The following THSD4 variants were observed in gnomAD, a reference collection of about 807,000 sequenced individuals.
The protein encoded by THSD4 is thrombospondin type 1 domain containing 4, also known as thrombospondin type-1 domain-containing protein 4.
In THSD4, 69 loss-of-function variants were observed where a neutral mutation model predicts 119.0. That is an observed-to-expected ratio of 0.58 (90% CI 0.48 to 0.71). THSD4 has a LOEUF of 0.71. Ranked by LOEUF, THSD4 falls within the 30% of genes least tolerant of loss-of-function variation. The pLI is 0.00. For missense variants in THSD4, 1,393 were observed against 1,391.1 expected, an observed-to-expected ratio of 1.00 and a Z score of -0.02; for synonymous variants, 524 against 540.4, an observed-to-expected ratio of 0.97 and a Z score of 0.42.
intron 6 of THSD4, among the ~76,000 whole-genome samples, chr15:71,312,425 G>C (rs906171752): frequency 6.6e-6 from 1 of 152,104 alleles, no homozygotes; most frequent in Non-Finnish European, 1.5e-5. Flanking sequence ...GTGCTTTTAA[G>C]AAGAGGAGAT....
intron 6 of THSD4, among the ~76,000 whole-genome samples, chr15:71,266,047 C>T (rs554982495): frequency 1.3e-5 from 2 of 152,352 alleles, no homozygotes; most frequent in South Asian, 4.1e-4. Context: ...CAGACTTAAA[C>T]ATTCCTGCCT....
At chr15:71,378,552 G>A (rs1465573468) in intron 6 of THSD4, among the ~76,000 whole-genome samples, 1 of 152,226 alleles carries the variant, frequency 6.6e-6, no homozygotes, top group Non-Finnish European at 1.5e-5. Context: ...GAGAACACAG[G>A]TAGGAAAACA....
At chr15:71,716,978 G>A (rs751471005) in intron 8 of THSD4, among the ~76,000 whole-genome samples, 37 of 152,072 alleles carry the variant, frequency 2.4e-4, no homozygotes, top group African/African-American at 7.2e-4. Flanking sequence ...ACCCCACCTC[G>A]GATATCTTAT....
chr15:71,526,770 A>G (rs759219747), intron 7 of THSD4, among the ~76,000 whole-genome samples: 11 of 152,216 alleles, frequency 7.2e-5, no homozygotes, highest in Non-Finnish European at 1.6e-4. Context: ...TATTCTGCCA[A>G]ATTTTGATGT....
In THSD4 at chr15:71,711,517, G is replaced by A. The variant is rs143915274; in HGVS notation, c.1358-17032G>A. 5.3e-5 allele frequency among the ~76,000 whole-genome samples: 8 copies of A among 151,760 alleles called. No homozygotes were observed. The East Asian group carries it at 1.5e-3, about 29-fold the overall frequency. On this transcript the variant is annotated intron_variant, in intron 8 of 17. Coordinates refer to ENST00000261862, the MANE Select transcript of THSD4 (RefSeq NM_024817.3). Reference sequence around the variant, plus strand: ...AATTATGCAAGTACAAAAAAAGAAAGGAAAAAGAACAGAGGAATAAAAAAG... The same window carrying A: ...AATTATGCAAGTACAAAAAAAGAAAAGAAAAAGAACAGAGGAATAAAAAAG...
At chr15:71,734,856 C>T (rs1365067873) in intron 10 of THSD4, among the ~76,000 whole-genome samples, 1 of 151,926 alleles carries the variant, frequency 6.6e-6, no homozygotes, top group Non-Finnish European at 1.5e-5. Flanking sequence ...AGCTCCCAAC[C>T]CCATGCCCTT....
chr15:71,411,870 G>A (rs2046693933), intron 7 of THSD4, 47 bp downstream of exon 7: 1 of 1,606,358 alleles, frequency 6.2e-7, no homozygotes, highest in Non-Finnish European at 8.5e-7. Flanking sequence ...TTTGATCTGT[G>A]ACTGCTGACT....
rs146042172 is a variant in THSD4, at chr15:71,747,041, C to T, written c.2240C>T (p.Ser747Leu). 699 of 1,602,264 alleles carry T rather than the reference C, an allele frequency of 4.4e-4. 1 individual carries two copies. The Middle Eastern group carries it at 9.9e-3, about 23-fold the overall frequency. ...SEWQIRTDWT[S>L]CSVPCGVGQR... ...TGGCAGATCCGGACCGACTGGACCTCGGTACGCAGGCAGGGCAGCCCGCTC... is the reference window on the plus strand; with the variant it reads ...TGGCAGATCCGGACCGACTGGACCTTGGTACGCAGGCAGGGCAGCCCGCTC... The change falls in exon 13 of 18, where the codon TCG becomes TTG. Residue 747 changes from serine to leucine, a missense_variant and splice_region_variant. By Grantham distance (145) the Ser-to-Leu change is moderately radical. Coordinates refer to ENST00000261862, the MANE Select transcript of THSD4 (RefSeq NM_024817.3).
At chr15:71,385,714 T>C (rs1315812474) in intron 6 of THSD4, among the ~76,000 whole-genome samples, 1 of 152,200 alleles carries the variant, frequency 6.6e-6, no homozygotes, top group Non-Finnish European at 1.5e-5. Context: ...TTATGGTTTG[T>C]TTACAGAGTT....
At chr15:71,599,853 A>G (rs551442798) in intron 7 of THSD4, among the ~76,000 whole-genome samples, 9 of 152,128 alleles carry the variant, frequency 5.9e-5, no homozygotes, top group Admixed American at 3.3e-4. Flanking sequence ...TAAAGCCCCA[A>G]TGTCTTCCCC....
chr15:71,250,858 G>A (rs953445925), intron 5 of THSD4, among the ~76,000 whole-genome samples: 2 of 152,040 alleles, frequency 1.3e-5, no homozygotes, highest in African/African-American at 4.8e-5. Context: ...GGGCTTTGAT[G>A]TAGGTATTGA....
chr15:71,404,443 T>C (rs1326026753), intron 6 of THSD4, among the ~76,000 whole-genome samples: 6 of 152,260 alleles, frequency 3.9e-5, no homozygotes, highest in South Asian at 4.1e-4. Context: ...TGTTGTCAAA[T>C]AATATTCCAT....
chr15:71,310,649 G>A (rs1388701662), intron 6 of THSD4, among the ~76,000 whole-genome samples: 1 of 152,130 alleles, frequency 6.6e-6, no homozygotes, highest in Admixed American at 6.5e-5. Context: ...ATGGAGGGGG[G>A]TTCTTATGAC....
At chr15:71,286,146 T>C (rs79577599) in intron 6 of THSD4, among the ~76,000 whole-genome samples, 5,158 of 152,308 alleles carry the variant, frequency 0.034, 116 homozygotes, top group Middle Eastern at 0.048. Flanking sequence ...TTATCTGTTA[T>C]CAATTTTATT....
At chr15:71,586,415 G>T (rs1404894503) in intron 7 of THSD4, among the ~76,000 whole-genome samples, 1 of 152,066 alleles carries the variant, frequency 6.6e-6, no homozygotes, top group African/African-American at 2.4e-5. Context: ...CTAGAGCTTG[G>T]AATATTTTTC....
At chr15:71,710,906 A>C (rs2052498459) in intron 8 of THSD4, among the ~76,000 whole-genome samples, 1 of 152,026 alleles carries the variant, frequency 6.6e-6, no homozygotes, top group Non-Finnish European at 1.5e-5. Context: ...TCAACTCTTC[A>C]CCAGCTGTGT....
chr15:71,679,567 T>G (rs977006188), intron 8 of THSD4, among the ~76,000 whole-genome samples: 1 of 152,098 alleles, frequency 6.6e-6, no homozygotes, highest in African/African-American at 2.4e-5. Flanking sequence ...CATTTCAATC[T>G]GAAGAAGCAG....
At chr15:71,490,559 C>CAAAAAAAAAA (rs11408465) in intron 7 of THSD4, among the ~76,000 whole-genome samples, 2 of 90,924 alleles carry the variant, frequency 2.2e-5, no homozygotes, top group Admixed American at 1.2e-4. Flanking sequence ...GACTCCGTCT[C>CAAAAAAAAAA]AAAAAAAAAA....
At chr15:71,762,777 G>A (rs943653533) in intron 15 of THSD4, among the ~76,000 whole-genome samples, 1 of 151,556 alleles carries the variant, frequency 6.6e-6, no homozygotes, top group East Asian at 1.9e-4. Context: ...AAATCTTATA[G>A]TTTTTTTTTG....
Sources: gnomAD v4.1 joint callset for allele counts (sites outside exome capture counted in the v4.1 genomes callset) on GRCh38, gnomAD v4.1.1 for gene constraint, MANE v1.5 for transcripts, NCBI Gene and HGNC (gene_info 2026-07-23, HGNC 2026-07-21) for gene names.